Variants in NRG3 observed in about 807,000 individuals in gnomAD.
NRG3 encodes the protein neuregulin 3.
In NRG3, 31 loss-of-function variants were observed where a neutral mutation model predicts 66.9. That is an observed-to-expected ratio of 0.46 (90% CI 0.35 to 0.63). The LOEUF (loss-of-function observed/expected upper bound fraction) is 0.63. Among genes scored for constraint, NRG3 ranks in the 20% least tolerant of loss-of-function variants. NRG3 has a pLI of 0.00. For missense variants in NRG3, 910 were observed against 878.9 expected, an observed-to-expected ratio of 1.04 and a Z score of -0.45; for synonymous variants, 393 against 359.4, an observed-to-expected ratio of 1.09 and a Z score of -1.06.
intron 1 of NRG3, among the ~76,000 whole-genome samples, chr10:81,911,603 G>GT (rs796518872): frequency 0.019 from 1,513 of 77,952 alleles, 133 homozygotes; most frequent in East Asian, 0.039. Flanking sequence ...GCACAGACTT[G>GT]TTTTTTTTTT....
At chr10:82,586,275 A>C (rs548857794) in intron 2 of NRG3, among the ~76,000 whole-genome samples, 1 of 151,934 alleles carries the variant, frequency 6.6e-6, no homozygotes, top group East Asian at 1.9e-4. Context: ...AAACAAAGCT[A>C]AACTGAGAAA....
intron 3 of NRG3, among the ~76,000 whole-genome samples, chr10:82,828,482 T>C (rs1378999079): frequency 1.3e-5 from 2 of 151,996 alleles, no homozygotes. Flanking sequence ...GGCTATACCT[T>C]ACCTACTCTC....
At chr10:82,936,918 C>T (rs937842635) in intron 4 of NRG3, among the ~76,000 whole-genome samples, 1 of 151,998 alleles carries the variant, frequency 6.6e-6, no homozygotes, top group Non-Finnish European at 1.5e-5. Flanking sequence ...TACATATATC[C>T]TTAAGATAAA....
At chr10:82,823,206 G>A (rs1037736786) in intron 3 of NRG3, among the ~76,000 whole-genome samples, 3 of 152,150 alleles carry the variant, frequency 2.0e-5, no homozygotes, top group South Asian at 2.1e-4. Flanking sequence ...GGGCAAGTAC[G>A]AATGGTGTTT....
intron 2 of NRG3, among the ~76,000 whole-genome samples, chr10:82,592,659 C>A (rs1443954964): frequency 6.6e-6 from 1 of 152,144 alleles, no homozygotes; most frequent in African/African-American, 2.4e-5. Context: ...TGCCCACATT[C>A]AATGAAAATG....
At chr10:82,006,268 T>C (rs1248602801) in intron 1 of NRG3, among the ~76,000 whole-genome samples, 1 of 152,152 alleles carries the variant, frequency 6.6e-6, no homozygotes, top group African/African-American at 2.4e-5. Flanking sequence ...TTATGTCAAC[T>C]GTCTATTCAT....
intron 1 of NRG3, among the ~76,000 whole-genome samples, chr10:82,117,537 G>A (rs1289225898): frequency 6.6e-6 from 1 of 152,028 alleles, no homozygotes; most frequent in Non-Finnish European, 1.5e-5. Context: ...CTGTGTGTGT[G>A]TCTCTGTGTG....
intron 2 of NRG3, among the ~76,000 whole-genome samples, chr10:82,444,147 G>C (rs1412648774): frequency 6.6e-6 from 1 of 152,180 alleles, no homozygotes; most frequent in Non-Finnish European, 1.5e-5. Flanking sequence ...CTATCGCCCA[G>C]GCTGGAGTGC....
At chr10:82,513,292 C>CT (rs1474304856) in intron 2 of NRG3, among the ~76,000 whole-genome samples, 2 of 152,146 alleles carry the variant, frequency 1.3e-5, no homozygotes, top group African/African-American at 4.8e-5. Context: ...GACTTCATTC[C>CT]TTTTTATGGC....
At chr10:82,034,879 C>T (rs1217854893) in intron 1 of NRG3, among the ~76,000 whole-genome samples, 1 of 152,076 alleles carries the variant, frequency 6.6e-6, no homozygotes, top group Non-Finnish European at 1.5e-5. Context: ...TGGCAGCCCA[C>T]ACCCAGTGGA....
At chr10:81,961,428 A>T (rs1396354684) in intron 1 of NRG3, among the ~76,000 whole-genome samples, 1 of 152,188 alleles carries the variant, frequency 6.6e-6, no homozygotes, top group Non-Finnish European at 1.5e-5. Flanking sequence ...TTACTTCCCA[A>T]GACACCGTGA....
At chr10:81,930,829 C>T (rs1847273906) in intron 1 of NRG3, among the ~76,000 whole-genome samples, 1 of 152,230 alleles carries the variant, frequency 6.6e-6, no homozygotes, top group African/African-American at 2.4e-5. Flanking sequence ...CTCCTCCCAG[C>T]GTAGAGACTT....
intron 1 of NRG3, among the ~76,000 whole-genome samples, chr10:82,222,374 G>A (rs527749453): frequency 3.3e-5 from 5 of 152,176 alleles, no homozygotes; most frequent in East Asian, 1.9e-4. Flanking sequence ...AGGTATGTTG[G>A]AAACAAGGAG....
chr10:82,263,519 T>C (rs1337313228), intron 1 of NRG3, among the ~76,000 whole-genome samples: 4 of 152,194 alleles, frequency 2.6e-5, no homozygotes, highest in Admixed American at 1.3e-4. Flanking sequence ...TGAACTGATA[T>C]AGTAAAAATG....
chr10:82,808,083 T>A (rs562354273), intron 3 of NRG3, among the ~76,000 whole-genome samples: 2 of 152,146 alleles, frequency 1.3e-5, no homozygotes, highest in Non-Finnish European at 2.9e-5. Context: ...GTGTTGTGAA[T>A]GAGGAACATT....
At chr10:82,325,601 A>G (rs935884815) in intron 1 of NRG3, among the ~76,000 whole-genome samples, 1 of 149,058 alleles carries the variant, frequency 6.7e-6, no homozygotes, top group Non-Finnish European at 1.5e-5. Context: ...TTTTGATCCA[A>G]TATGATAACG....
At chr10:82,240,992 A>G (rs1172512025) in intron 1 of NRG3, among the ~76,000 whole-genome samples, 1 of 152,144 alleles carries the variant, frequency 6.6e-6, no homozygotes, top group Admixed American at 6.5e-5. Flanking sequence ...AAACTGCAAG[A>G]GGAAAGGTTC....
At chr10:82,146,079 T>C (rs2070230769) in intron 1 of NRG3, among the ~76,000 whole-genome samples, 1 of 152,216 alleles carries the variant, frequency 6.6e-6, no homozygotes, top group Non-Finnish European at 1.5e-5. Context: ...ATAAGGCATG[T>C]ATCAAGCTGT....
At chr10:81,877,774 A>C (rs1443341502) in intron 1 of NRG3, 2 of 1,366,672 alleles carry the variant, frequency 1.5e-6, no homozygotes, top group African/African-American at 1.5e-5. Flanking sequence ...TGGCTGAAGC[A>C]GTCATTTTTG....
Sources: gnomAD v4.1 joint callset for allele counts (sites outside exome capture counted in the v4.1 genomes callset) on GRCh38, gnomAD v4.1.1 for gene constraint, MANE v1.5 for transcripts, NCBI Gene and HGNC (gene_info 2026-07-23, HGNC 2026-07-21) for gene names.